The following TMEM178B variants were observed in gnomAD, a reference collection of about 807,000 sequenced individuals.
The protein encoded by TMEM178B is transmembrane protein 178B.
In TMEM178B, 5 loss-of-function variants were observed where a neutral mutation model predicts 31.0. That is an observed-to-expected ratio of 0.16 (90% CI 0.08 to 0.34). The LOEUF (loss-of-function observed/expected upper bound fraction) is 0.34, where lower values mean the gene tolerates loss of function less well. Among genes scored for constraint, TMEM178B ranks in the 10% least tolerant of loss-of-function variants. The pLI is 1.00. For synonymous variants in TMEM178B, 164 were observed against 164.0 expected, an observed-to-expected ratio of 1.00 and a Z score of 0.00; for missense variants, 275 against 400.3, an observed-to-expected ratio of 0.69 and a Z score of 2.67.
At chr7:141,078,631 A>G (rs915779947) in intron 1 of TMEM178B, among the ~76,000 whole-genome samples, 1 of 152,234 alleles carries the variant, frequency 6.6e-6, no homozygotes, top group African/African-American at 2.4e-5. Context: ...ACAGATGCAG[A>G]GGAACACAGA....
chr7:141,212,210 T>A (rs1563119049), intron 1 of TMEM178B, among the ~76,000 whole-genome samples: 2 of 152,252 alleles, frequency 1.3e-5, no homozygotes, highest in East Asian at 3.9e-4. Context: ...AAAGCACAAA[T>A]GATATCATTA....
At chr7:141,137,271 T>C (rs978404033) in intron 1 of TMEM178B, among the ~76,000 whole-genome samples, 1 of 152,152 alleles carries the variant, frequency 6.6e-6, no homozygotes, top group Non-Finnish European at 1.5e-5. Context: ...CCTATGTGTA[T>C]TGCAGCACTA....
intron 2 of TMEM178B, among the ~76,000 whole-genome samples, chr7:141,379,180 C>G (rs1467469432): frequency 6.6e-6 from 1 of 152,182 alleles, no homozygotes; most frequent in Middle Eastern, 3.4e-3. Context: ...AATGGCCAGA[C>G]TGTAGGCTGG....
At chr7:141,406,867 C>T (rs1379321914) in intron 2 of TMEM178B, among the ~76,000 whole-genome samples, 1 of 152,190 alleles carries the variant, frequency 6.6e-6, no homozygotes, top group Non-Finnish European at 1.5e-5. Flanking sequence ...CTAGAATTCG[C>T]ACCTCCAGGT....
intron 1 of TMEM178B, among the ~76,000 whole-genome samples, chr7:141,208,560 T>C (rs1797002413): frequency 6.6e-6 from 1 of 152,244 alleles, no homozygotes; most frequent in Non-Finnish European, 1.5e-5. Context: ...ATTTGATTGC[T>C]GTCAGAGGCA....
At chr7:141,235,476 A>G (rs1306429218) in intron 2 of TMEM178B, among the ~76,000 whole-genome samples, 4 of 152,232 alleles carry the variant, frequency 2.6e-5, no homozygotes, top group Non-Finnish European at 2.9e-5. Flanking sequence ...ATTCATTTTA[A>G]GTTATTAATC....
chr7:141,336,002 T>A (rs891146412), intron 2 of TMEM178B, among the ~76,000 whole-genome samples: 2 of 152,226 alleles, frequency 1.3e-5, no homozygotes, highest in African/African-American at 4.8e-5. Context: ...TTTCACATGA[T>A]GAAACACCGT....
At chr7:141,215,796 TTCTTTCTTTCTTTCTTTC>T (rs1797126221) in intron 2 of TMEM178B, among the ~76,000 whole-genome samples, 1 of 91,514 alleles carries the variant, frequency 1.1e-5, no homozygotes, top group South Asian at 4.1e-4. Flanking sequence ...CTTTCTTTCT[TTCTTTCTTTCTTTCTTTC>T]TTTCTTTCTT....
intron 1 of TMEM178B, among the ~76,000 whole-genome samples, chr7:141,139,118 T>C (rs543990386): frequency 6.6e-6 from 1 of 152,362 alleles, no homozygotes; most frequent in African/African-American, 2.4e-5. Flanking sequence ...AGTTAAACTT[T>C]ATCTTTTAGA....
At chr7:141,359,245 A>C (rs75445838) in intron 2 of TMEM178B, among the ~76,000 whole-genome samples, 1 of 152,212 alleles carries the variant, frequency 6.6e-6, no homozygotes, top group Non-Finnish European at 1.5e-5. Context: ...ATTTGGTCTT[A>C]GTGAGATGTG....
intron 2 of TMEM178B, among the ~76,000 whole-genome samples, chr7:141,409,931 CCT>C (rs1800950704): frequency 6.6e-6 from 1 of 152,154 alleles, no homozygotes; most frequent in Non-Finnish European, 1.5e-5. Flanking sequence ...TGAGTTGCAG[CCT>C]CTCTCCTCTG....
downstream of TMEM178B, among the ~76,000 whole-genome samples, chr7:141,484,085 G>A (rs1036000756): frequency 3.3e-5 from 5 of 152,028 alleles, no homozygotes; most frequent in Admixed American, 2.6e-4. The surrounding 1 kb of genome is among the most constrained non-coding windows in gnomAD (Gnocchi z 4.8). Context: ...TGTCCCACAC[G>A]TACCCCACTC....
At chr7:141,394,041 G>T (rs12334257) in intron 2 of TMEM178B, among the ~76,000 whole-genome samples, 12,711 of 149,776 alleles carry the variant, frequency 0.085, 641 homozygotes, top group African/African-American at 0.12. Context: ...TTTCCTCAGT[G>T]AATCAGTGGC....
intron 1 of TMEM178B, among the ~76,000 whole-genome samples, chr7:141,157,680 A>G (rs1034154096): frequency 1.3e-5 from 2 of 152,246 alleles, no homozygotes; most frequent in African/African-American, 4.8e-5. Context: ...CATCTGTGAA[A>G]TGGGGATGAT....
At chr7:141,374,010 C>A (rs1262998486) in intron 2 of TMEM178B, among the ~76,000 whole-genome samples, 2 of 152,176 alleles carry the variant, frequency 1.3e-5, no homozygotes, top group Non-Finnish European at 2.9e-5. Context: ...TCAATAGGCC[C>A]TCCCCTCCTT....
intron 2 of TMEM178B, among the ~76,000 whole-genome samples, chr7:141,244,952 A>G (rs1203052718): frequency 6.6e-6 from 1 of 151,796 alleles, no homozygotes; most frequent in African/African-American, 2.4e-5. Context: ...AGCCTGGGCA[A>G]CATGGAGAAA....
chr7:141,327,728 A>G (rs1258803487), intron 2 of TMEM178B, among the ~76,000 whole-genome samples: 1 of 152,172 alleles, frequency 6.6e-6, no homozygotes, highest in Admixed American at 6.5e-5. Context: ...TTTTGAATGA[A>G]TTAATGTCAT....
At chr7:141,322,363 TAAAAA>T (rs57989369) in intron 2 of TMEM178B, among the ~76,000 whole-genome samples, 1 of 134,426 alleles carries the variant, frequency 7.4e-6, no homozygotes, top group African/African-American at 2.7e-5. Context: ...CCCATCTTAC[TAAAAA>T]AAAAAAAAAA....
Position 141,219,900 on chromosome 7 carries a change from A to G in TMEM178B, c.496+7196A>G, listed in dbSNP as rs566116390. 2.6e-5 allele frequency among the ~76,000 whole-genome samples: 4 copies of G among 152,296 alleles called. No homozygotes were observed. The East Asian group carries it at 7.7e-4, about 29-fold the overall frequency. ...GAACAGGCTTACTGATTTGATGAAC[A>G]TGCTTGAGTTAGGGGGTTAATGTGT... is the stretch of plus-strand genomic sequence containing the variant. On this transcript the variant is annotated intron_variant, in intron 2 of 3. Coordinates refer to ENST00000565468, the MANE Select transcript of TMEM178B (RefSeq NM_001195278.2).
Sources: allele counts gnomAD v4.1 joint callset (sites outside exome capture counted in the v4.1 genomes callset), GRCh38; gene constraint gnomAD v4.1.1; non-coding constraint Gnocchi (gnomAD v3.1); transcripts MANE v1.5; gene names NCBI Gene and HGNC (gene_info 2026-07-23, HGNC 2026-07-21).